Variants in CRMP1 observed in about 807,000 individuals in gnomAD.
CRMP1 encodes the protein dihydropyrimidinase-related protein 1.
A neutral mutation model predicts 68.3 loss-of-function variants in CRMP1; 19 were observed. That is an observed-to-expected ratio of 0.28 (90% CI 0.19 to 0.41). The LOEUF (loss-of-function observed/expected upper bound fraction) is 0.41, where lower values mean the gene tolerates loss of function less well. Ranked by LOEUF, CRMP1 falls within the 10% of genes least tolerant of loss-of-function variation. The probability of loss-of-function intolerance (pLI) is 1.00; values close to 1 mark genes in which losing one functional copy is unlikely to be tolerated. For missense variants in CRMP1, 791 were observed against 967.4 expected (o/e 0.82, Z 2.42); for synonymous variants, 439 against 399.6 (o/e 1.10, Z -1.18).
Position 5,850,538 on chromosome 4 carries a change from T to A in CRMP1, c.882+870A>T, listed in dbSNP as rs941752218. Among the ~76,000 whole-genome samples the A allele has an allele frequency of 2.0e-5, 3 of 152,132 alleles. No homozygotes were observed. The South Asian group carries it at 6.2e-4, about 32-fold the overall frequency. On this transcript the variant is annotated intron_variant, in intron 5 of 13. Transcript: ENST00000324989. This position sits in a 1 kb window ranked among gnomAD's most constrained non-coding sequence, Gnocchi z 4.4. ...TCCCGTTGCCCATCTATCTTCATGG[T>A]AATAACCAATTACCCTGCTAACTGA...
chr4:5,841,260 C>G lies in CRMP1; in HGVS notation c.1153+48G>C, dbSNP rs200841883. Reference sequence around the variant, plus strand: ...GTGAACTTGAACCTGCAGGACACCCCCTTCCAGGCCCCAGCTGCCCCCAGA... The same window carrying G: ...GTGAACTTGAACCTGCAGGACACCCGCTTCCAGGCCCCAGCTGCCCCCAGA... On this transcript the variant is annotated intron_variant, in intron 8 of 13. Transcript: ENST00000324989. This position sits in a 1 kb window ranked among gnomAD's most constrained non-coding sequence, Gnocchi z 6.9. The G allele has an allele frequency of 3.8e-5, 61 of 1,613,316 alleles. No individual in the cohort carries two copies. In the South Asian group the frequency reaches 5.6e-4, roughly 15 times the overall value.
At chr4:5,832,575 C>A (rs1720453738) in intron 11 of CRMP1, among the ~76,000 whole-genome samples, 1 of 152,190 alleles carries the variant, frequency 6.6e-6, no homozygotes, top group African/African-American at 2.4e-5. Flanking sequence ...ATTTCTCAAT[C>A]CATGTTCTGA....
chr4:5,887,977 G>C (rs1203804126), intron 1 of CRMP1, among the ~76,000 whole-genome samples: 1 of 152,084 alleles, frequency 6.6e-6, no homozygotes, highest in African/African-American at 2.4e-5. Context: ...GGGGGGAGGG[G>C]GCGGCAAGCC....
At chr4:5,849,506 T>TA in intron 5 of CRMP1, 34 bp from the exon 6 acceptor site, 6 of 1,457,066 alleles carry the variant, frequency 4.1e-6, no homozygotes, top group African/African-American at 1.4e-5. Context: ...GGTGTGAGAT[T>TA]TAAAAAAAAA....
rs1553910144 is a variant in CRMP1, at chr4:5,891,212, A to ACC, written c.381+1375_381+1376dup. 0.013 allele frequency among the ~76,000 whole-genome samples: 1,941 copies of ACC among 147,228 alleles called. 47 individuals carry two copies. The highest frequency in any genetic ancestry group is 0.046 in the African/African-American group (1,778 of 39,076). On this transcript the variant is annotated intron_variant, in intron 1 of 13. Coordinates refer to ENST00000324989, the MANE Select transcript of CRMP1 (RefSeq NM_001014809.3). The surrounding 1 kb of genome is among the most constrained non-coding windows in gnomAD (Gnocchi z 5.2). ...CACACACACACACACACACACACACACCCTTGCTGTTGGACCTCTCCCTCG... is the reference window on the plus strand; with the variant it reads ...CACACACACACACACACACACACACACCCCCTTGCTGTTGGACCTCTCCCTCG...
In CRMP1 at chr4:5,842,443, A is replaced by AG. The variant is rs941684550; in HGVS notation, c.1032+649_1032+650insC. 4.1e-5 allele frequency among the ~76,000 whole-genome samples: 6 copies of AG among 147,484 alleles called. No homozygotes were observed. Among genetic ancestry groups the AG allele is most frequent in the African/African-American group, 7.5e-5 (3 of 39,882 alleles). ...GACTCCATCTCAAAAAAAAAAAAAA[A>AG]AAAAGAAAAGAAAGAAAGAAAGTAA... On this transcript the variant is annotated intron_variant, in intron 7 of 13. Transcript: ENST00000324989. The surrounding 1 kb of genome is among the most constrained non-coding windows in gnomAD (Gnocchi z 4.5).
At position 5,889,102 on chromosome 4, in the gene CRMP1, C is replaced by T. The variant is rs1560525867; in HGVS notation, c.381+3487G>A. On this transcript the variant is annotated intron_variant, in intron 1 of 13. Coordinates refer to ENST00000324989, the MANE Select transcript of CRMP1 (RefSeq NM_001014809.3). This position sits in a 1 kb window ranked among gnomAD's most constrained non-coding sequence, Gnocchi z 4.5. ...CTAGACCCATCTCCAATGCCTTCCC[C>T]ACCACGAAGCCTCTCCCTGCCACCC... Among the ~76,000 whole-genome samples, 1 of 152,138 alleles carries T rather than the reference C, an allele frequency of 6.6e-6. No individual in the cohort carries two copies. The highest frequency in any genetic ancestry group is 1.5e-5 in the Non-Finnish European group (1 of 68,024).
Position 5,851,376 on chromosome 4 carries a change from A to G in CRMP1, c.882+32T>C, listed in dbSNP as rs370639828. ...AAAGCTGGCCCAGTCCTGCCCAGAC[A>G]AGAGAGGAGAGAGTGAGTGTGAGGG... On this transcript the variant is annotated intron_variant, in intron 5 of 13. Coordinates refer to ENST00000324989, the MANE Select transcript of CRMP1 (RefSeq NM_001014809.3). The G allele has an allele frequency of 7.0e-5, 113 of 1,604,776 alleles. 2 individuals carry two copies. The highest frequency in any genetic ancestry group is 8.8e-5 in the Non-Finnish European group (103 of 1,171,598).
intron 8 of CRMP1, among the ~76,000 whole-genome samples, 157 bp from the exon 9 acceptor site, chr4:5,839,835 G>A (rs1022762658): frequency 3.3e-5 from 5 of 152,240 alleles, no homozygotes; most frequent in Non-Finnish European, 5.9e-5. Flanking sequence ...TGCACCGCAG[G>A]GACCTTGGGT....
Position 5,892,625 on chromosome 4 carries a change from C to T in CRMP1, c.345G>A (p.Ala115=), listed in dbSNP as rs978108062. 3.4e-6 allele frequency: 4 copies of T among 1,191,094 alleles called. No homozygotes were observed. The African/African-American group carries it at 4.8e-5, about 14-fold the overall frequency. 73.8% of individuals were successfully genotyped at this position (1,191,094 alleles called of 1,614,324 possible). Residue 115 remains alanine (A), a synonymous_variant, in exon 1 of 14, where the codon GCG becomes GCA. Transcript: ENST00000324989. The surrounding 1 kb of genome is among the most constrained non-coding windows in gnomAD (Gnocchi z 8.6). The part of the protein sequence containing the change: ...RPPTLRIRRP[A]PRDLPLGRDN... ...CCCGGCCGAGGGGCAGGTCGCGGGGCGCGGGGCGGCGGATGCGCAGCGTCG... is the reference window on the plus strand; with the variant it reads ...CCCGGCCGAGGGGCAGGTCGCGGGGTGCGGGGCGGCGGATGCGCAGCGTCG...
chr4:5,890,091 A>C lies in CRMP1; in HGVS notation c.381+2498T>G. On this transcript the variant is annotated intron_variant, in intron 1 of 13. Coordinates refer to ENST00000324989, the MANE Select transcript of CRMP1 (RefSeq NM_001014809.3). This position sits in a 1 kb window ranked among gnomAD's most constrained non-coding sequence, Gnocchi z 5.5. The stretch of plus-strand genomic sequence containing the variant: ...TCCCTGGCTCTCAGCGGGGCCTAAA[A>C]TCCCTGTCAATGACCGGAAATTGCA... 2 of 282,768 alleles carry C rather than the reference A, an allele frequency of 7.1e-6. No individual in the cohort carries two copies. Among genetic ancestry groups the C allele is most frequent in the Non-Finnish European group, 1.2e-5 (2 of 170,866 alleles). 17.5% of individuals were successfully genotyped at this position (282,768 alleles called of 1,614,324 possible).
intron 12 of CRMP1, chr4:5,827,945 G>C (rs777844848): frequency 7.0e-6 from 5 of 710,724 alleles, no homozygotes; most frequent in Non-Finnish European, 8.6e-6. Context: ...ATGTCCTGAG[G>C]TCAGTGCTAA....
At position 5,843,295 on chromosome 4, in the gene CRMP1, T is replaced by C. The variant is rs1711929112; in HGVS notation, c.964-134A>G. The C allele has an allele frequency of 2.6e-6, 2 of 769,978 alleles. No individual in the cohort carries two copies. The highest frequency in any genetic ancestry group is 4.4e-6 in the Non-Finnish European group (2 of 452,652). The allele number at this position is 769,978 out of a possible 1,614,324, so 47.7% of individuals were successfully genotyped here. On this transcript the variant is annotated intron_variant, in intron 6 of 13. Coordinates refer to ENST00000324989, the MANE Select transcript of CRMP1 (RefSeq NM_001014809.3). The surrounding 1 kb of genome is among the most constrained non-coding windows in gnomAD (Gnocchi z 4.1). ...CGAGTGGCTTGCACTAGGTTAACAGTGTGCGGGGTGGGGGCAGTGAACTGT... is the reference window on the plus strand; with the variant it reads ...CGAGTGGCTTGCACTAGGTTAACAGCGTGCGGGGTGGGGGCAGTGAACTGT...
chr4:5,825,989 T>G lies in CRMP1; in HGVS notation c.1804-330A>C, dbSNP rs1007434421. 1.4e-5 allele frequency: 5 copies of G among 361,256 alleles called. No individual in the cohort carries two copies. In the Admixed American group the frequency reaches 1.6e-4, roughly 12 times the overall value. The allele number at this position is 361,256 out of a possible 1,614,324, so 22.4% of individuals were successfully genotyped here. On this transcript the variant is annotated intron_variant, in intron 12 of 13. Transcript: ENST00000324989. This position sits in a 1 kb window ranked among gnomAD's most constrained non-coding sequence, Gnocchi z 4.4. ...GCAGTAACAAAACAGGCCTACACAG[T>G]AGCATACACGCGTGAACACGCACAC...
chr4:5,840,194 T>G (rs1452370123), intron 8 of CRMP1, among the ~76,000 whole-genome samples: 1 of 152,130 alleles, frequency 6.6e-6, no homozygotes, highest in African/African-American at 2.4e-5. Flanking sequence ...TCAGTCCTGC[T>G]CGGGAACACG....
chr4:5,878,321 T>C (rs1222122065), intron 1 of CRMP1, among the ~76,000 whole-genome samples: 6 of 152,048 alleles, frequency 3.9e-5, no homozygotes, highest in Non-Finnish European at 7.4e-5. Flanking sequence ...CTCTGTAAAA[T>C]AGGGACAGGC....
chr4:5,884,286 T>C (rs1240148398), intron 1 of CRMP1, among the ~76,000 whole-genome samples: 1 of 152,182 alleles, frequency 6.6e-6, no homozygotes, highest in Non-Finnish European at 1.5e-5. Flanking sequence ...GCCTCACACA[T>C]TTTTTGCATA....
chr4:5,828,222 C>T (rs1031370274), intron 12 of CRMP1: 11 of 985,406 alleles, frequency 1.1e-5, no homozygotes, highest in East Asian at 2.3e-4. Flanking sequence ...GCTTGGTAAG[C>T]GTCCCTCCCA....
At chr4:5,846,872 C>A (rs1376724399) in intron 6 of CRMP1, among the ~76,000 whole-genome samples, 1 of 147,724 alleles carries the variant, frequency 6.8e-6, no homozygotes, top group Non-Finnish European at 1.5e-5. Flanking sequence ...GCCTTGGCCT[C>A]CCAAATTGCT....
Sources: gnomAD v4.1 joint callset for allele counts (sites outside exome capture counted in the v4.1 genomes callset) on GRCh38, gnomAD v4.1.1 for gene constraint, Gnocchi (gnomAD v3.1) non-coding constraint, MANE v1.5 for transcripts, NCBI Gene and HGNC (gene_info 2026-07-23, HGNC 2026-07-21) for gene names.